The following CPNE4 variants were observed in gnomAD, a reference collection of about 807,000 sequenced individuals.
The protein encoded by CPNE4 is copine 4.
A neutral mutation model predicts 67.9 loss-of-function variants in CPNE4; 25 were observed. The observed-to-expected ratio is 0.37, with a 90% CI of 0.27 to 0.51. CPNE4 has a LOEUF of 0.51. CPNE4 is among the 20% of genes least tolerant of loss of function. CPNE4 has a pLI of 0.93. For synonymous variants in CPNE4, 242 were observed against 244.9 expected (o/e 0.99, Z 0.11); for missense variants, 464 against 690.8 (o/e 0.67, Z 3.68).
rs1228667759 is a variant in CPNE4 at position 131,990,399 on chromosome 3, T to G, written c.-2+44168A>C. 5.2e-5 allele frequency among the ~76,000 whole-genome samples: 7 copies of G among 135,836 alleles called. 1 individual carries two copies. The highest frequency in any genetic ancestry group is 7.4e-5 in the African/African-American group (3 of 40,684). The allele number at this position is 135,836 out of a possible 152,430, so 89.1% of individuals were successfully genotyped here. ...CTAAACAACTATTGTTATGTAGAGG[T>G]GGAATAAATGTTTTATGTGTGTGTT... On this transcript the variant is annotated intron_variant, in intron 1 of 15. Coordinates refer to ENST00000429747, the MANE Select transcript of CPNE4 (RefSeq NM_130808.3).
intron 7 of CPNE4, among the ~76,000 whole-genome samples, chr3:131,610,086 A>T (rs1422564404): frequency 6.6e-6 from 1 of 152,174 alleles, no homozygotes; most frequent in Non-Finnish European, 1.5e-5. Context: ...TCCACCAAAC[A>T]AACTTCCCCC....
intron 7 of CPNE4, among the ~76,000 whole-genome samples, chr3:131,632,196 G>C (rs200246608): frequency 6.6e-6 from 1 of 152,034 alleles, no homozygotes; most frequent in East Asian, 2.0e-4. Flanking sequence ...TTTCAGTAGA[G>C]TCGGGGTTTC....
upstream of CPNE4, chr3:132,039,462 T>C (rs2074380397): frequency 6.6e-6 from 1 of 152,228 alleles, no homozygotes; most frequent in African/African-American, 2.4e-5. Flanking sequence ...AAGCTACTGT[T>C]TTCAGCTTTT....
intron 2 of CPNE4, among the ~76,000 whole-genome samples, chr3:131,751,222 C>T (rs1286160380): frequency 6.6e-6 from 1 of 152,046 alleles, no homozygotes; most frequent in Non-Finnish European, 1.5e-5. Context: ...TGCCATTGTT[C>T]TTCAAGTACT....
At chr3:132,031,007 A>C (rs1211514225) in intron 1 of CPNE4, among the ~76,000 whole-genome samples, 1 of 152,202 alleles carries the variant, frequency 6.6e-6, no homozygotes. Flanking sequence ...CAAAAAATGG[A>C]TGTGTAACCC....
chr3:131,629,276 G>C (rs1164671072), intron 7 of CPNE4, among the ~76,000 whole-genome samples: 2 of 152,106 alleles, frequency 1.3e-5, no homozygotes, highest in African/African-American at 4.8e-5. Flanking sequence ...GATTTGGGAG[G>C]GGACGCAGCC....
intron 1 of CPNE4, among the ~76,000 whole-genome samples, chr3:131,945,650 T>C (rs2071531330): frequency 6.6e-6 from 1 of 152,186 alleles, no homozygotes; most frequent in Non-Finnish European, 1.5e-5. Flanking sequence ...CATCGTAGTC[T>C]GAAAGCTCTT....
chr3:132,030,359 G>A lies in CPNE4; in HGVS notation c.-2+4208C>T, dbSNP rs58885796. ...GATCCCCAAGCTCTCTTCCAGTTCT[G>A]AGAGTCATAGAACATGCACATTAAC... On this transcript the variant is annotated intron_variant, in intron 1 of 15. Transcript: ENST00000429747. Among the ~76,000 whole-genome samples, 1,476 of 150,964 alleles carry A rather than the reference G, an allele frequency of 9.8e-3. 22 individuals are homozygous for A. The highest frequency in any genetic ancestry group is 0.034 in the African/African-American group (1,412 of 41,150).
chr3:131,952,269 G>A (rs1339728121), intron 1 of CPNE4, among the ~76,000 whole-genome samples: 1 of 151,686 alleles, frequency 6.6e-6, no homozygotes, highest in East Asian at 2.0e-4. Flanking sequence ...CGTATGGGAG[G>A]TGAAGAGCGT....
intron 2 of CPNE4, among the ~76,000 whole-genome samples, chr3:131,861,510 A>G (rs113127799): frequency 0.075 from 11,245 of 150,590 alleles, 579 homozygotes; most frequent in East Asian, 0.17. Flanking sequence ...AGCTCATGGT[A>G]ACCTCCCCCT....
chr3:131,824,818 T>G (rs1268927038), intron 2 of CPNE4, among the ~76,000 whole-genome samples: 1 of 152,038 alleles, frequency 6.6e-6, no homozygotes, highest in Non-Finnish European at 1.5e-5. Flanking sequence ...TACCTTTGGA[T>G]GGAGGCTTGG....
chr3:131,962,284 G>A (rs562033228), intron 1 of CPNE4, among the ~76,000 whole-genome samples: 1 of 152,202 alleles, frequency 6.6e-6, no homozygotes. Context: ...TAGATGAAGA[G>A]ATGTCTTTTC....
At chr3:131,998,607 A>G (rs903139721) in intron 1 of CPNE4, among the ~76,000 whole-genome samples, 2 of 152,132 alleles carry the variant, frequency 1.3e-5, no homozygotes, top group African/African-American at 4.8e-5. Context: ...AACATTTTTC[A>G]GAGTTGCATT....
chr3:131,648,385 A>G (rs55735604), intron 7 of CPNE4, among the ~76,000 whole-genome samples: 6,966 of 152,286 alleles, frequency 0.046, 195 homozygotes, highest in Non-Finnish European at 0.064. Flanking sequence ...AATTAAATAC[A>G]TAAATAAATA....
At chr3:131,927,486 C>T (rs184961486) in intron 1 of CPNE4, among the ~76,000 whole-genome samples, 1 of 120,102 alleles carries the variant, frequency 8.3e-6, no homozygotes, top group Admixed American at 8.3e-5. Context: ...GTCATGACAT[C>T]TCATGTCATT....
At chr3:132,024,560 G>A (rs996311635) in intron 1 of CPNE4, among the ~76,000 whole-genome samples, 9 of 152,022 alleles carry the variant, frequency 5.9e-5, no homozygotes, top group African/African-American at 1.9e-4. Flanking sequence ...GGCCTCTCTG[G>A]TCTTCCATTT....
rs372838533 is a variant in CPNE4 at position 131,717,995 on chromosome 3, GTC to G, written c.360+5449_360+5450del. Among the ~76,000 whole-genome samples the G allele has an allele frequency of 1.6e-3, 200 of 128,132 alleles. 1 individual carries two copies. In the South Asian group the frequency reaches 0.024, roughly 16 times the overall value. 84.1% of individuals were successfully genotyped at this position (128,132 alleles called of 152,430 possible). A position where few individuals can be genotyped will look rare whatever the true frequency, so the allele number is the denominator to read the frequency against. ...TCTCTCTGTCTCTCTCTCTCTCTCT[GTC>G]TCTCTCTCTTTCTTTCTTTCTTTTG... On this transcript the variant is annotated intron_variant, in intron 3 of 15. Transcript: ENST00000429747.
intron 2 of CPNE4, among the ~76,000 whole-genome samples, chr3:131,800,468 C>T (rs550919924): frequency 3.9e-4 from 59 of 152,184 alleles, no homozygotes; most frequent in Non-Finnish European, 4.3e-4. Flanking sequence ...ACTAGATGGA[C>T]GGATAAATGG....
chr3:131,955,499 C>G (rs990962874), intron 1 of CPNE4, among the ~76,000 whole-genome samples: 3 of 132,200 alleles, frequency 2.3e-5, no homozygotes, highest in Admixed American at 1.7e-4. Flanking sequence ...CCTGCTGAAT[C>G]TCCCCTCCAC....
Sources: allele counts gnomAD v4.1 joint callset (sites outside exome capture counted in the v4.1 genomes callset), GRCh38; gene constraint gnomAD v4.1.1; transcripts MANE v1.5; gene names NCBI Gene and HGNC (gene_info 2026-07-23, HGNC 2026-07-21).